Variants in GSK3B observed in about 807,000 individuals in gnomAD.
GSK3B encodes glycogen synthase kinase 3 beta.
GSK3B carries 15 observed loss-of-function variants against 56.4 expected under a neutral mutation model. That is an observed-to-expected ratio of 0.27 (90% confidence interval 0.18 to 0.41). GSK3B has a LOEUF of 0.41. Ranked by LOEUF, GSK3B falls within the 10% of genes least tolerant of loss-of-function variation. The pLI is 1.00. For synonymous variants in GSK3B, 181 were observed against 188.9 expected, an observed-to-expected ratio of 0.96 and a Z score of 0.34; for missense variants, 300 against 513.4, an observed-to-expected ratio of 0.58 and a Z score of 4.02.
At position 119,906,902 on chromosome 3, in the gene GSK3B, C is replaced by T. The variant is rs149463445; in HGVS notation, c.716-1050G>A. ...AGACTGGAAATCGTTGCTCCAGTGA[C>T]TACTTTTTATTGACCTAGAAAAATG... is the stretch of plus-strand genomic sequence containing the variant. On this transcript the variant is annotated intron_variant, in intron 6 of 10. Coordinates refer to ENST00000264235, the MANE Select transcript of GSK3B (RefSeq NM_001146156.2). Among the ~76,000 whole-genome samples the T allele has an allele frequency of 2.6e-5, 4 of 152,206 alleles. No individual in the cohort carries two copies. The East Asian group carries it at 7.7e-4, about 29-fold the overall frequency.
chr3:120,029,036 CT>C, intron 1 of GSK3B: 1 of 661,912 alleles, frequency 1.5e-6, no homozygotes, highest in Non-Finnish European at 2.7e-6. Context: ...CTCATAAAAT[CT>C]TTATTTTTTA....
rs116169921 is a variant in GSK3B, at chr3:119,952,739, A to G, written c.283-5388T>C. Among the ~76,000 whole-genome samples the G allele has an allele frequency of 4.3e-3, 648 of 152,094 alleles. 1 individual carries two copies. Among genetic ancestry groups the G allele is most frequent in the African/African-American group, 0.015 (612 of 41,542 alleles). On this transcript the variant is annotated intron_variant, in intron 2 of 10. Transcript: ENST00000264235. ...CAGTAACAAAAAATTAAAAAAAACT[A>G]TCAACTAAGAATTCTATTTACTGCA...
chr3:119,824,661 AATCTTAGCTTTCAG>A lies in GSK3B; in HGVS notation c.*2113_*2126del. ...ATACTTTGATTTCAGACTTCTTTCA[AATCTTAGCTTTCAG>A]AAGCACTTTATAAAACATAAAATTC... On this transcript the variant is annotated 3_prime_UTR_variant, in exon 11 of 11. Transcript: ENST00000264235. 1 of 197,402 alleles carries A rather than the reference AATCTTAGCTTTCAG, an allele frequency of 5.1e-6. No homozygotes were observed. Among genetic ancestry groups the A allele is most frequent in the East Asian group, 7.8e-5 (1 of 12,762 alleles). 12.2% of individuals were successfully genotyped at this position (197,402 alleles called of 1,614,324 possible). A position where few individuals can be genotyped will look rare whatever the true frequency, so the allele number is the denominator to read the frequency against.
chr3:119,980,533 T>C (rs1406087947), intron 2 of GSK3B, among the ~76,000 whole-genome samples: 1 of 152,176 alleles, frequency 6.6e-6, no homozygotes, highest in Non-Finnish European at 1.5e-5. Flanking sequence ...TTTGTATTTT[T>C]AGTAGAGATG....
chr3:120,065,382 A>G lies in GSK3B; in HGVS notation c.88+27965T>C, dbSNP rs1263404084. On this transcript the variant is annotated intron_variant, in intron 1 of 10. Coordinates refer to ENST00000264235, the MANE Select transcript of GSK3B (RefSeq NM_001146156.2). ...ACCTAAAAAGATGCTCTACATCGATAGTCATTAAGGAAATGCAAATCAAAA... is the reference window on the plus strand; with the variant it reads ...ACCTAAAAAGATGCTCTACATCGATGGTCATTAAGGAAATGCAAATCAAAA... Among the ~76,000 whole-genome samples the G allele has an allele frequency of 2.6e-5, 4 of 152,288 alleles. No homozygotes were observed. The South Asian group carries it at 8.3e-4, about 32-fold the overall frequency.
chr3:120,060,185 C>T (rs1237166799), intron 1 of GSK3B, among the ~76,000 whole-genome samples: 1 of 151,946 alleles, frequency 6.6e-6, no homozygotes, highest in African/African-American at 2.4e-5. Context: ...ATCTATTATA[C>T]ATTACAAGGT....
chr3:120,044,615 T>C (rs1435781843), intron 1 of GSK3B, among the ~76,000 whole-genome samples: 2 of 152,196 alleles, frequency 1.3e-5, no homozygotes, highest in Non-Finnish European at 2.9e-5. Flanking sequence ...ACCAAATAGC[T>C]GCAGGATTTG....
At chr3:119,964,082 G>A (rs1376097170) in intron 2 of GSK3B, among the ~76,000 whole-genome samples, 2 of 152,130 alleles carry the variant, frequency 1.3e-5, no homozygotes, top group Non-Finnish European at 2.9e-5. Context: ...CTATGGAATG[G>A]AAGAAAATAT....
chr3:120,084,607 A>G (rs1224955140), intron 1 of GSK3B: 4 of 152,254 alleles, frequency 2.6e-5, no homozygotes, highest in Non-Finnish European at 5.9e-5. Context: ...CTTCATTGAC[A>G]CTGACGCACT....
At chr3:119,930,327 A>G (rs1000736818) in intron 3 of GSK3B, among the ~76,000 whole-genome samples, 3 of 152,184 alleles carry the variant, frequency 2.0e-5, no homozygotes, top group African/African-American at 7.2e-5. Flanking sequence ...AAAAGTGTGA[A>G]GCCAAATTGT....
rs1368098148 is a variant in GSK3B at position 119,971,814 on chromosome 3, T to C, written c.283-24463A>G. Among the ~76,000 whole-genome samples the C allele has an allele frequency of 2.0e-5, 3 of 151,008 alleles. No individual in the cohort carries two copies. In the East Asian group the frequency reaches 5.8e-4, roughly 29 times the overall value. ...TTTTAGTAGAGACAGGGTTTCACCG[T>C]TTTAGCCGGGATGGTCTCGATCTCC... On this transcript the variant is annotated intron_variant, in intron 2 of 10. Transcript: ENST00000264235.
In GSK3B at chr3:119,822,098, C is replaced by T. The variant is rs1204158285; in HGVS notation, c.*4690G>A. On this transcript the variant is annotated 3_prime_UTR_variant, in exon 11 of 11. Coordinates refer to ENST00000264235, the MANE Select transcript of GSK3B (RefSeq NM_001146156.2). ...AAAAAAACATTGAGCATACTTTTCA[C>T]AAAAAAGTTTATATTTAAAATGAAA... The T allele has an allele frequency of 1.7e-5, 3 of 177,822 alleles. No individual in the cohort carries two copies. Among genetic ancestry groups the T allele is most frequent in the African/African-American group, 7.9e-5 (3 of 38,216 alleles). 11.0% of individuals were successfully genotyped at this position (177,822 alleles called of 1,614,324 possible). A position where few individuals can be genotyped will look rare whatever the true frequency, so the allele number is the denominator to read the frequency against.
intron 5 of GSK3B, 122 bp from the exon 6 acceptor site, chr3:119,912,932 A>G (rs1006450786): frequency 6.5e-6 from 3 of 464,510 alleles, no homozygotes; most frequent in African/African-American, 2.0e-5. Flanking sequence ...TTTGAATCAT[A>G]TATGAAAAAG....
At chr3:119,985,285 G>T (rs1197258083) in intron 2 of GSK3B, among the ~76,000 whole-genome samples, 8 of 152,144 alleles carry the variant, frequency 5.3e-5, no homozygotes, top group African/African-American at 1.9e-4. Context: ...ACAAGACAAG[G>T]ATGCCCTCTC....
At chr3:119,917,616 G>A (rs1319028135) in intron 4 of GSK3B, among the ~76,000 whole-genome samples, 6 of 150,004 alleles carry the variant, frequency 4.0e-5, no homozygotes. Flanking sequence ...CTGTGTCAGG[G>A]TATTGATGTC....
At position 120,020,510 on chromosome 3, in the gene GSK3B, T is replaced by C. The variant is rs550114121; in HGVS notation, c.89-18271A>G. 5.7e-4 allele frequency among the ~76,000 whole-genome samples: 87 copies of C among 152,312 alleles called. 1 individual carries two copies. Among genetic ancestry groups the C allele is most frequent in the African/African-American group, 1.8e-3 (73 of 41,562 alleles). On this transcript the variant is annotated intron_variant, in intron 1 of 10. Transcript: ENST00000264235. ...TACTTCAAACTTTTCACTATTATTA[T>C]ACCCATTATGGTGATCTGTGATCAA...
chr3:119,930,782 C>T (rs114360740), intron 3 of GSK3B, among the ~76,000 whole-genome samples: 10 of 152,344 alleles, frequency 6.6e-5, no homozygotes, highest in African/African-American at 2.4e-4. Context: ...CATTAGGCTA[C>T]AAAAGTATTG....
intron 1 of GSK3B, among the ~76,000 whole-genome samples, chr3:120,019,112 T>C (rs1419251587): frequency 6.6e-6 from 1 of 152,198 alleles, no homozygotes; most frequent in African/African-American, 2.4e-5. Flanking sequence ...ATCTGTTGAA[T>C]TAGCTAAAGT....
intron 1 of GSK3B, among the ~76,000 whole-genome samples, chr3:120,039,285 A>G (rs1015281290): frequency 2.6e-5 from 4 of 152,242 alleles, no homozygotes; most frequent in African/African-American, 9.6e-5. Context: ...ACACATCAGC[A>G]GTTTCCTGCA....
Sources: gnomAD v4.1 joint callset for allele counts (sites outside exome capture counted in the v4.1 genomes callset) on GRCh38, gnomAD v4.1.1 for gene constraint, MANE v1.5 for transcripts, NCBI Gene and HGNC (gene_info 2026-07-23, HGNC 2026-07-21) for gene names.